The following PRH1 variants were observed in gnomAD, a reference collection of about 807,000 sequenced individuals.
PRH1 encodes the protein proline rich protein HaeIII subfamily 1.
Under a neutral mutation model 7.9 loss-of-function variants are expected in PRH1, and 7 were observed. That is an observed-to-expected ratio of 0.89 (90% CI 0.50 to 1.67). The LOEUF is 1.67. PRH1 is among the 40% of genes most tolerant of loss of function. The probability of loss-of-function intolerance (pLI) is 0.00; values close to 1 mark genes in which losing one functional copy is unlikely to be tolerated. For missense variants in PRH1, 109 were observed against 223.6 expected (o/e 0.49, Z 3.27); for synonymous variants, 45 against 80.8 (o/e 0.56, Z 2.38).
chr12:10,933,899 G>C (rs10492103), intron 2 of PRH1, among the ~76,000 whole-genome samples: 1,750 of 152,150 alleles, frequency 0.012, 18 homozygotes, highest in South Asian at 0.031. Flanking sequence ...AATGGAAGGA[G>C]TAAAATTACC....
At chr12:10,963,831 T>G (rs1401826687) in intron 2 of PRH1, among the ~76,000 whole-genome samples, 1 of 152,238 alleles carries the variant, frequency 6.6e-6, no homozygotes, top group African/African-American at 2.4e-5. Context: ...TTTTATTTTG[T>G]GCATAGTTTT....
chr12:11,019,314 C>A (rs922418226), intron 1 of PRH1, among the ~76,000 whole-genome samples: 4 of 142,226 alleles, frequency 2.8e-5, no homozygotes, highest in Admixed American at 2.2e-4. Context: ...TGGCCACCAG[C>A]AAAATCATAT....
intron 2 of PRH1, chr12:10,908,307 T>C: frequency 7.3e-7 from 1 of 1,363,836 alleles, no homozygotes; most frequent in Non-Finnish European, 1.0e-6. Flanking sequence ...AAATATCTTT[T>C]AAACTCCTTG....
intron 1 of PRH1, among the ~76,000 whole-genome samples, chr12:11,157,657 T>A (rs1477388716): frequency 6.6e-6 from 1 of 152,238 alleles, no homozygotes. Context: ...AAAAATACAC[T>A]CAACTTCTAA....
intron 1 of PRH1, among the ~76,000 whole-genome samples, chr12:11,099,155 A>C (rs1312809191): frequency 6.6e-6 from 1 of 152,154 alleles, no homozygotes; most frequent in Non-Finnish European, 1.5e-5. Context: ...CTTTCCCCTG[A>C]ACTTGGAGTT....
intron 1 of PRH1, among the ~76,000 whole-genome samples, chr12:11,099,928 C>A (rs1293239419): frequency 6.6e-6 from 1 of 152,104 alleles, no homozygotes. Flanking sequence ...ATAATTAAGG[C>A]TAGAAGAAAT....
chr12:11,171,580 AC>A, upstream of PRH1: 4 of 1,231,068 alleles, frequency 3.2e-6, no homozygotes, highest in Middle Eastern at 3.1e-4. Context: ...GACTAAGCTA[AC>A]GGCCTCCGGG....
chr12:11,066,186 T>C (rs1325664854), intron 1 of PRH1, among the ~76,000 whole-genome samples: 1 of 119,510 alleles, frequency 8.4e-6, no homozygotes, highest in African/African-American at 2.8e-5. Context: ...CACCATTTAA[T>C]CCCTATCCGT....
chr12:11,089,500 G>A lies in PRH1; in HGVS notation n.124-42312C>T, dbSNP rs1231444967. ...TCACCTCACTGTGAAGTGGCTGCCA[G>A]CAGAGCCATACCAGACATCACCACA... is the stretch of plus-strand genomic sequence containing the variant. On this transcript the variant is annotated intron_variant and non_coding_transcript_variant, in intron 1 of 4. Transcript: ENST00000541977. Among the ~76,000 whole-genome samples the A allele has an allele frequency of 1.0e-4, 2 of 19,934 alleles. 1 individual carries two copies. The highest frequency in any genetic ancestry group is 5.4e-4 in the Non-Finnish European group (2 of 3,728). 13.1% of individuals were successfully genotyped at this position (19,934 alleles called of 152,430 possible).
At chr12:11,083,460 T>C (rs1944561731) in intron 1 of PRH1, among the ~76,000 whole-genome samples, 1 of 152,272 alleles carries the variant, frequency 6.6e-6, no homozygotes, top group African/African-American at 2.4e-5. Flanking sequence ...ATATGTTTTT[T>C]CAGCCTATTT....
At chr12:10,907,489 T>G (rs1199543580) in intron 2 of PRH1, among the ~76,000 whole-genome samples, 1 of 150,566 alleles carries the variant, frequency 6.6e-6, no homozygotes, top group Admixed American at 6.7e-5. Flanking sequence ...GCCTCACATA[T>G]AACAATACAC....
chr12:10,930,198 C>G, intron 2 of PRH1: 1 of 1,548,162 alleles, frequency 6.5e-7, no homozygotes, highest in Non-Finnish European at 8.9e-7. Context: ...GTCCTTTATC[C>G]TCGTAGAACA....
rs1447459671 is a variant in PRH1 at position 11,096,332 on chromosome 12, C to T, written n.124-49144G>A. Among the ~76,000 whole-genome samples the T allele has an allele frequency of 6.9e-5, 8 of 115,382 alleles. 1 individual carries two copies. Among genetic ancestry groups the T allele is most frequent in the African/African-American group, 2.3e-4 (8 of 34,420 alleles). 75.7% of individuals were successfully genotyped at this position (115,382 alleles called of 152,430 possible). On this transcript the variant is annotated intron_variant and non_coding_transcript_variant, in intron 1 of 4. Coordinates refer to the PRH1 transcript ENST00000541977. ...TTTCTTATGTTTAACTGGTTGTTAA[C>T]GCTATTGGATTCTCAAAATTGATGA...
intron 1 of PRH1, among the ~76,000 whole-genome samples, chr12:11,035,161 T>C (rs1942383081): frequency 6.6e-6 from 1 of 151,958 alleles, no homozygotes; most frequent in Admixed American, 6.6e-5. Context: ...TGGTTTTAGT[T>C]ATCGTGTCTG....
rs1405230706 is a variant in PRH1, at chr12:11,082,888, TC to T, written n.124-35701del. Among the ~76,000 whole-genome samples the T allele has an allele frequency of 9.5e-5, 11 of 115,778 alleles. 5 individuals are homozygous for T. The highest frequency in any genetic ancestry group is 2.2e-4 in the Non-Finnish European group (11 of 48,990). The allele number at this position is 115,778 out of a possible 152,430, so 76.0% of individuals were successfully genotyped here. On this transcript the variant is annotated intron_variant and non_coding_transcript_variant, in intron 1 of 4. Transcript: ENST00000541977. ...TAATAGCATCACTAACAAGTTAAAT[TC>T]TCTCAACTGCTTAATTTCATTCTCA...
chr12:11,133,737 T>C, intron 1 of PRH1: 1 of 1,525,802 alleles, frequency 6.6e-7, no homozygotes, highest in Non-Finnish European at 8.9e-7. Flanking sequence ...TACATTGCAC[T>C]CCTCAATTTG....
intron 1 of PRH1, among the ~76,000 whole-genome samples, chr12:11,148,223 T>C (rs1424012841): frequency 6.7e-6 from 1 of 149,918 alleles, no homozygotes; most frequent in Non-Finnish European, 1.5e-5. Flanking sequence ...TACAATCATG[T>C]CGTCTGCAAA....
At chr12:10,882,185 AGCCTTTGAT>A (rs751831363) in intron 3 of PRH1, 23 bp downstream of exon 3, 2 of 1,610,742 alleles carry the variant, frequency 1.2e-6, no homozygotes, top group Non-Finnish European at 1.7e-6. Flanking sequence ...TAGCAGTTGG[AGCCTTTGAT>A]GGATAATAAA....
chr12:10,883,020 A>G (rs1450369719), intron 2 of PRH1, 41 bp downstream of exon 2: 2 of 1,598,364 alleles, frequency 1.3e-6, no homozygotes, highest in Non-Finnish European at 1.7e-6. Context: ...TTTTCAGGGA[A>G]AAATGGAGAC....
Sources: allele counts gnomAD v4.1 joint callset (sites outside exome capture counted in the v4.1 genomes callset), GRCh38; gene constraint gnomAD v4.1.1; transcripts MANE v1.5; gene names NCBI Gene and HGNC (gene_info 2026-07-23, HGNC 2026-07-21).